Variants in RERE observed in about 807,000 individuals in gnomAD.
RERE encodes arginine-glutamic acid dipeptide repeats protein.
A neutral mutation model predicts 146.1 loss-of-function variants in RERE; 40 were observed. The observed-to-expected ratio is 0.27, with a 90% CI of 0.21 to 0.36. The LOEUF (loss-of-function observed/expected upper bound fraction) is 0.36. RERE is among the 10% of genes least tolerant of loss of function. The probability of loss-of-function intolerance (pLI) is 1.00; values close to 1 mark genes in which losing one functional copy is unlikely to be tolerated. For synonymous variants in RERE, 1,003 were observed against 866.0 expected, an observed-to-expected ratio of 1.16 and a Z score of -2.78; for missense variants, 1,933 against 2,138.7, an observed-to-expected ratio of 0.90 and a Z score of 1.90.
intron 2 of RERE, among the ~76,000 whole-genome samples, chr1:8,628,060 T>A (rs546838208): frequency 6.6e-6 from 1 of 152,292 alleles, no homozygotes; most frequent in African/African-American, 2.4e-5. Context: ...TTTCCTTAGA[T>A]TAAAAGCCAC....
intron 1 of RERE, among the ~76,000 whole-genome samples, chr1:8,726,147 C>CTTTTCTTTTTTTTTTTTTTT (rs1639960710): frequency 1.4e-5 from 1 of 69,406 alleles, no homozygotes; most frequent in African/African-American, 6.5e-5. Context: ...TTTTTCTTTT[C>CTTTTCTTTTTTTTTTTTTTT]TTTTTTTTTT....
chr1:8,485,167 G>A (rs1044547403), intron 10 of RERE, among the ~76,000 whole-genome samples: 1 of 152,102 alleles, frequency 6.6e-6, no homozygotes, highest in African/African-American at 2.4e-5. Context: ...TTCAAGACCA[G>A]CCTGACCAAT....
At position 8,759,838 on chromosome 1, in the gene RERE, TACACACACACACAC is replaced by T. The variant is rs369646175; in HGVS notation, c.-145+57308_-145+57321del. 7.2e-4 allele frequency among the ~76,000 whole-genome samples: 102 copies of T among 142,316 alleles called. No individual in the cohort carries two copies. The Middle Eastern group carries it at 0.029, about 40-fold the overall frequency. 93.4% of individuals were successfully genotyped at this position (142,316 alleles called of 152,430 possible). A position where few individuals can be genotyped will look rare whatever the true frequency, so the allele number is the denominator to read the frequency against. On this transcript the variant is annotated intron_variant, in intron 1 of 22. Transcript: ENST00000400908. Reference sequence around the variant, plus strand: ...TAACTCTAAATTCTTACTCTCTCTATACACACACACACACACACACACACACACACACACACACA... The same window carrying T: ...TAACTCTAAATTCTTACTCTCTCTATACACACACACACACACACACACACA...
At chr1:8,790,208 T>G (rs1641339132) in intron 1 of RERE, among the ~76,000 whole-genome samples, 1 of 152,132 alleles carries the variant, frequency 6.6e-6, no homozygotes, top group Non-Finnish European at 1.5e-5. Flanking sequence ...ACTAGACTTA[T>G]GTGCTCCTTT....
chr1:8,590,559 C>G (rs184165755), intron 4 of RERE, among the ~76,000 whole-genome samples: 1 of 152,170 alleles, frequency 6.6e-6, no homozygotes, highest in African/African-American at 2.4e-5. Flanking sequence ...TGCGGCCCAC[C>G]GGTCATGTTC....
chr1:8,496,827 T>C (rs1397499301), intron 9 of RERE, among the ~76,000 whole-genome samples: 2 of 152,242 alleles, frequency 1.3e-5, no homozygotes, highest in Non-Finnish European at 2.9e-5. Flanking sequence ...CAGGCACTAA[T>C]GAACAGCCAC....
intron 10 of RERE, among the ~76,000 whole-genome samples, chr1:8,477,789 T>C (rs2124169959): frequency 6.6e-6 from 1 of 152,296 alleles, no homozygotes; most frequent in East Asian, 1.9e-4. Flanking sequence ...CAGTGCTTTG[T>C]GATGAGTGAT....
chr1:8,355,038 TCCC>T lies in RERE; in HGVS notation c.*46_*48del, dbSNP rs750949924. The T allele has an allele frequency of 6.6e-7, 1 of 1,510,492 alleles. No homozygotes were observed. Among genetic ancestry groups the T allele is most frequent in the East Asian group, 2.3e-5 (1 of 44,392 alleles). The allele number at this position is 1,510,492 out of a possible 1,614,324, so 93.6% of individuals were successfully genotyped here. Reference sequence around the variant, plus strand: ...TATTTTATGTAAAAAGTCCTGTTTCTCCCCCCAAGAACTGGGGTTTCCACAGCC... The same window carrying T: ...TATTTTATGTAAAAAGTCCTGTTTCTCCCAAGAACTGGGGTTTCCACAGCC... On this transcript the variant is annotated 3_prime_UTR_variant, in exon 23 of 23. Coordinates refer to ENST00000400908, the MANE Select transcript of RERE (RefSeq NM_001042681.2).
chr1:8,406,987 A>G (rs565951848), intron 12 of RERE, among the ~76,000 whole-genome samples: 35 of 152,336 alleles, frequency 2.3e-4, no homozygotes, highest in Non-Finnish European at 4.0e-4. Flanking sequence ...AATCTACTTC[A>G]TCAAAGATCA....
At chr1:8,371,417 G>A (rs938611779) in intron 12 of RERE, among the ~76,000 whole-genome samples, 1 of 152,198 alleles carries the variant, frequency 6.6e-6, no homozygotes, top group African/African-American at 2.4e-5. Flanking sequence ...AAAACAAGGG[G>A]AAGGGAGTGC....
At chr1:8,805,961 C>T (rs1419606805) in intron 1 of RERE, 1 of 148,014 alleles carries the variant, frequency 6.8e-6, no homozygotes, top group Non-Finnish European at 1.5e-5. Context: ...AAGAGATTCT[C>T]CTGTCTCAGC....
At chr1:8,563,304 G>C (rs1553185371) in intron 4 of RERE, among the ~76,000 whole-genome samples, 1 of 152,144 alleles carries the variant, frequency 6.6e-6, no homozygotes, top group Non-Finnish European at 1.5e-5. Flanking sequence ...ATAATCGAGG[G>C]GGTATCTGGA....
At chr1:8,486,523 T>C (rs557781646) in intron 10 of RERE, among the ~76,000 whole-genome samples, 1 of 152,094 alleles carries the variant, frequency 6.6e-6, no homozygotes, top group South Asian at 2.1e-4. Context: ...CAAATCAAAA[T>C]TTGTGGTAAA....
chr1:8,548,918 A>T (rs1004584333), intron 6 of RERE, among the ~76,000 whole-genome samples: 33 of 152,216 alleles, frequency 2.2e-4, no homozygotes, highest in African/African-American at 7.0e-4. Flanking sequence ...CAGGAGGCAG[A>T]GGTTGCAGTG....
intron 12 of RERE, among the ~76,000 whole-genome samples, chr1:8,410,191 G>T (rs940380438): frequency 2.6e-5 from 4 of 152,124 alleles, no homozygotes; most frequent in African/African-American, 4.8e-5. Flanking sequence ...GGGTAAGGAG[G>T]GCTGGGCAGG....
chr1:8,792,764 C>T (rs553663564), intron 1 of RERE, among the ~76,000 whole-genome samples: 1 of 152,314 alleles, frequency 6.6e-6, no homozygotes, highest in African/African-American at 2.4e-5. Context: ...TAACACCTCC[C>T]CCAGATGCTG....
chr1:8,509,635 C>G (rs1003346952), intron 7 of RERE, among the ~76,000 whole-genome samples: 9 of 152,030 alleles, frequency 5.9e-5, no homozygotes, highest in African/African-American at 2.2e-4. Context: ...CAGAGTGACG[C>G]CATCTCTACA....
At chr1:8,739,242 G>A (rs1024482768) in intron 1 of RERE, among the ~76,000 whole-genome samples, 1 of 152,156 alleles carries the variant, frequency 6.6e-6, no homozygotes, top group Non-Finnish European at 1.5e-5. Context: ...CTGAGACAGA[G>A]CACCCAAGAA....
chr1:8,429,554 C>G (rs1460604363), intron 11 of RERE, among the ~76,000 whole-genome samples: 1 of 152,184 alleles, frequency 6.6e-6, no homozygotes, highest in East Asian at 1.9e-4. Flanking sequence ...GAGCAGAAGA[C>G]AGGGGCTAAG....
Sources: gnomAD v4.1 joint callset for allele counts (sites outside exome capture counted in the v4.1 genomes callset) on GRCh38, gnomAD v4.1.1 for gene constraint, MANE v1.5 for transcripts, NCBI Gene and HGNC (gene_info 2026-07-23, HGNC 2026-07-21) for gene names.